MARCHF5: variants seen among roughly 807,000 people sequenced by gnomAD.
MARCHF5 encodes membrane associated ring-CH-type finger 5.
Under a neutral mutation model 36.5 loss-of-function variants are expected in MARCHF5, and 5 were observed. The ratio of observed to expected loss-of-function variants is 0.14; its 90% confidence interval spans 0.07 to 0.29. The LOEUF is 0.29. MARCHF5 is among the 10% of genes least tolerant of loss of function. The probability of loss-of-function intolerance (pLI) is 1.00; values close to 1 mark genes in which losing one functional copy is unlikely to be tolerated. For missense variants in MARCHF5, 179 were observed against 336.3 expected, an observed-to-expected ratio of 0.53 and a Z score of 3.66; for synonymous variants, 103 against 109.9, an observed-to-expected ratio of 0.94 and a Z score of 0.39.
At chr10:92,335,844 G>A (rs1009508806) in intron 2 of MARCHF5, among the ~76,000 whole-genome samples, 1 of 152,120 alleles carries the variant, frequency 6.6e-6, no homozygotes, top group African/African-American at 2.4e-5. Flanking sequence ...ATAGTGATGG[G>A]TTATATTTTA....
At chr10:92,333,608 T>C in intron 2 of MARCHF5, 8 of 976,472 alleles carry the variant, frequency 8.2e-6, no homozygotes, top group Non-Finnish European at 9.7e-6. Context: ...AGTACTAACA[T>C]TATGCACAAG....
At chr10:92,303,439 T>C (rs1843039557) in intron 1 of MARCHF5, among the ~76,000 whole-genome samples, 1 of 152,212 alleles carries the variant, frequency 6.6e-6, no homozygotes, top group Non-Finnish European at 1.5e-5. Flanking sequence ...AAACCTCAGC[T>C]GTTTCATCCT....
At chr10:92,319,493 A>T (rs959000084) in intron 2 of MARCHF5, among the ~76,000 whole-genome samples, 5 of 151,226 alleles carry the variant, frequency 3.3e-5, no homozygotes, top group Admixed American at 2.6e-4. Flanking sequence ...ACGGGGTTTC[A>T]CCGTGTTAGC....
intron 2 of MARCHF5, among the ~76,000 whole-genome samples, chr10:92,318,214 T>TG (rs1038576869): frequency 6.9e-6 from 1 of 145,324 alleles, no homozygotes; most frequent in Non-Finnish European, 1.5e-5. Flanking sequence ...ATTGCTTGAG[T>TG]GCAGGAGTTT....
intron 2 of MARCHF5, 39 bp from the exon 3 acceptor site, chr10:92,340,634 C>A: frequency 6.5e-7 from 1 of 1,543,742 alleles, no homozygotes; most frequent in East Asian, 2.3e-5. Context: ...TAAAAGTTCA[C>A]CCTGTGTTGA....
chr10:92,291,833 T>G (rs1564939518), intron 1 of MARCHF5, among the ~76,000 whole-genome samples: 2 of 145,962 alleles, frequency 1.4e-5, no homozygotes, highest in African/African-American at 5.4e-5. Context: ...CCTCTTCCCC[T>G]CCCCCTTCCC....
chr10:92,336,928 G>A (rs1590664328), intron 2 of MARCHF5, among the ~76,000 whole-genome samples: 1 of 152,050 alleles, frequency 6.6e-6, no homozygotes, highest in Non-Finnish European at 1.5e-5. Flanking sequence ...TTTGAGACCA[G>A]CCTAGGCAAC....
chr10:92,324,818 AT>A (rs925836174), intron 2 of MARCHF5, among the ~76,000 whole-genome samples: 27 of 148,628 alleles, frequency 1.8e-4, no homozygotes, highest in African/African-American at 3.5e-4. Flanking sequence ...TCTGTTACTG[AT>A]TTTTTTTTTA....
chr10:92,330,903 G>A (rs902878146), intron 2 of MARCHF5, among the ~76,000 whole-genome samples: 2 of 152,120 alleles, frequency 1.3e-5, no homozygotes, highest in African/African-American at 2.4e-5. Context: ...ACCTTGTTTT[G>A]TTACAGCCTA....
chr10:92,322,215 G>A (rs1457431160), intron 2 of MARCHF5, among the ~76,000 whole-genome samples: 3 of 113,818 alleles, frequency 2.6e-5, no homozygotes, highest in Non-Finnish European at 4.9e-5. Flanking sequence ...CTGCACTCCA[G>A]CCTGGGCAAC....
chr10:92,297,067 A>C (rs890322265), intron 1 of MARCHF5, among the ~76,000 whole-genome samples: 2 of 152,014 alleles, frequency 1.3e-5, no homozygotes, highest in Non-Finnish European at 2.9e-5. Context: ...CCCCAATGGC[A>C]TATCTTCTCA....
At chr10:92,295,687 C>T (rs1180922762) in intron 1 of MARCHF5, among the ~76,000 whole-genome samples, 1 of 151,872 alleles carries the variant, frequency 6.6e-6, no homozygotes, top group Non-Finnish European at 1.5e-5. Context: ...GGATTACAGG[C>T]GTGAGCCACC....
intron 2 of MARCHF5, among the ~76,000 whole-genome samples, chr10:92,337,242 G>A (rs1262880800): frequency 1.3e-5 from 2 of 151,938 alleles, no homozygotes; most frequent in East Asian, 1.9e-4. Context: ...AGGGCCGGGC[G>A]CAGTGGCTCA....
intron 2 of MARCHF5, chr10:92,334,509 G>A (rs1246281139): frequency 6.6e-6 from 1 of 152,426 alleles, no homozygotes; most frequent in Non-Finnish European, 1.5e-5. Context: ...ATCACAACCA[G>A]TTACATATTT....
chr10:92,349,993 A>G (rs1843698223), intron 5 of MARCHF5, 156 bp downstream of exon 5: 2 of 623,638 alleles, frequency 3.2e-6, no homozygotes, highest in African/African-American at 3.7e-5. Flanking sequence ...TTGAGTGGAA[A>G]TAAAAAGAGG....
chr10:92,329,298 T>C (rs1843408968), intron 2 of MARCHF5, among the ~76,000 whole-genome samples: 1 of 152,224 alleles, frequency 6.6e-6, no homozygotes, highest in African/African-American at 2.4e-5. Flanking sequence ...TTTTAGCCAG[T>C]CTGTTAAGAA....
intron 2 of MARCHF5, among the ~76,000 whole-genome samples, chr10:92,329,549 C>T (rs889897663): frequency 1.3e-5 from 2 of 152,174 alleles, no homozygotes; most frequent in East Asian, 1.9e-4. Context: ...ACATGGCCTT[C>T]TGTCACTCAC....
At chr10:92,349,566 C>G in intron 4 of MARCHF5, 34 bp downstream of exon 4, 2 of 1,598,012 alleles carry the variant, frequency 1.3e-6, no homozygotes, top group Non-Finnish European at 1.7e-6. Context: ...AAAGTGCATA[C>G]CAAATTGATC....
At chr10:92,297,264 T>C (rs1842957972) in intron 1 of MARCHF5, among the ~76,000 whole-genome samples, 1 of 150,370 alleles carries the variant, frequency 6.7e-6, no homozygotes, top group South Asian at 2.1e-4. Context: ...CCTCCCAGGC[T>C]CAAGTGATCC....
Sources: gnomAD v4.1 joint callset for allele counts (sites outside exome capture counted in the v4.1 genomes callset) on GRCh38, gnomAD v4.1.1 for gene constraint, MANE v1.5 for transcripts, NCBI Gene and HGNC (gene_info 2026-07-23, HGNC 2026-07-21) for gene names.